The following CDYL2 variants were observed in gnomAD, a reference collection of about 807,000 sequenced individuals.
CDYL2 encodes chromodomain Y-like protein 2.
CDYL2 carries 23 observed loss-of-function variants against 49.4 expected under a neutral mutation model. The ratio of observed to expected loss-of-function variants is 0.47; its 90% CI spans 0.34 to 0.66. CDYL2 has a LOEUF of 0.66. Ranked by LOEUF, CDYL2 falls within the 30% of genes least tolerant of loss-of-function variation. CDYL2 has a pLI of 0.01. For synonymous variants in CDYL2, 360 were observed against 268.8 expected (o/e 1.34, Z -3.32); for missense variants, 678 against 656.4 (o/e 1.03, Z -0.36).
chr16:80,759,118 A>ATATATATATATATATATATATATATGGTT (rs1567597470), intron 1 of CDYL2, among the ~76,000 whole-genome samples: 36 of 118,452 alleles, frequency 3.0e-4, no homozygotes, highest in East Asian at 1.0e-3. Context: ...ATATATATAT[A>ATATATATATATATATATATATATATGGTT]TATATATATA....
At chr16:80,759,780 C>G (rs1004453735) in intron 1 of CDYL2, among the ~76,000 whole-genome samples, 6 of 152,150 alleles carry the variant, frequency 3.9e-5, no homozygotes, top group African/African-American at 1.4e-4. Flanking sequence ...TTGCACAAAC[C>G]ACTTCAAGCC....
chr16:80,712,943 A>G (rs907425485), intron 1 of CDYL2, among the ~76,000 whole-genome samples: 5 of 152,280 alleles, frequency 3.3e-5, no homozygotes, highest in African/African-American at 1.2e-4. Flanking sequence ...AGTACCCAAC[A>G]GAAGGGACAA....
intron 3 of CDYL2, among the ~76,000 whole-genome samples, chr16:80,628,943 A>C (rs1194343635): frequency 6.6e-6 from 1 of 152,202 alleles, no homozygotes; most frequent in Non-Finnish European, 1.5e-5. Context: ...TGAGACCTGA[A>C]GGAAGAGCAA....
At chr16:80,647,714 T>A (rs1908412243) in intron 2 of CDYL2, among the ~76,000 whole-genome samples, 1 of 152,136 alleles carries the variant, frequency 6.6e-6, no homozygotes, top group Non-Finnish European at 1.5e-5. Context: ...AAACATTTAA[T>A]CCAATGGCTG....
intron 1 of CDYL2, among the ~76,000 whole-genome samples, chr16:80,803,515 G>A (rs1440297389): frequency 6.6e-6 from 1 of 152,004 alleles, no homozygotes; most frequent in Non-Finnish European, 1.5e-5. Context: ...AGCTGGTGCG[G>A]GGGCAGCAGG....
intron 1 of CDYL2, among the ~76,000 whole-genome samples, chr16:80,801,876 T>C (rs140321367): frequency 8.5e-4 from 129 of 152,360 alleles, no homozygotes; most frequent in African/African-American, 2.9e-3. Context: ...GTATATGTTA[T>C]GTAATGTAGA....
intron 1 of CDYL2, among the ~76,000 whole-genome samples, chr16:80,687,378 G>A (rs570317729): frequency 6.6e-6 from 1 of 152,256 alleles, no homozygotes; most frequent in South Asian, 2.1e-4. Flanking sequence ...GCGTGGGTGG[G>A]TGGATGGATG....
Position 80,788,794 on chromosome 16 carries a change from T to C in CDYL2, c.24+15356A>G, listed in dbSNP as rs76855244. 4.3e-3 allele frequency among the ~76,000 whole-genome samples: 652 copies of C among 152,324 alleles called. 2 individuals are homozygous for C. Among genetic ancestry groups the C allele is most frequent in the African/African-American group, 0.015 (630 of 41,574 alleles). ...CATGATACCATACACGTGGAGAATT[T>C]ACCATAGTGTCTGGCACATATTAAA... On this transcript the variant is annotated intron_variant, in intron 1 of 6. Coordinates refer to ENST00000570137, the MANE Select transcript of CDYL2 (RefSeq NM_152342.4).
intron 1 of CDYL2, among the ~76,000 whole-genome samples, chr16:80,724,251 G>A (rs1372832154): frequency 2.0e-5 from 3 of 149,914 alleles, no homozygotes; most frequent in African/African-American, 4.9e-5. Context: ...GGAAGAAGAT[G>A]AGGAGAAAGA....
At chr16:80,654,386 C>T (rs550854958) in intron 2 of CDYL2, among the ~76,000 whole-genome samples, 2 of 152,336 alleles carry the variant, frequency 1.3e-5, no homozygotes, top group Admixed American at 6.5e-5. Context: ...ACACAGTAAA[C>T]CAGGAATAAA....
chr16:80,748,506 T>TA (rs538432449), intron 1 of CDYL2, among the ~76,000 whole-genome samples: 1,260 of 19,102 alleles, frequency 0.066, 263 homozygotes, highest in East Asian at 0.13. Context: ...AAAACTCCAT[T>TA]AAAAAAAAAA....
Position 80,604,558 on chromosome 16 carries a change from T to C in CDYL2, c.1363-12A>G, listed in dbSNP as rs749625544. ...GACTCCTCTAACACCTAGAGGGAAATAGACAGGCCTGATTAGCCGGGCACC... is the reference window on the plus strand; with the variant it reads ...GACTCCTCTAACACCTAGAGGGAAACAGACAGGCCTGATTAGCCGGGCACC... On this transcript the variant is annotated splice_polypyrimidine_tract_variant and intron_variant, in intron 6 of 6. Transcript: ENST00000570137. The C allele has an allele frequency of 1.4e-5, 22 of 1,613,944 alleles. No individual in the cohort carries two copies. The highest frequency in any genetic ancestry group is 1.6e-4 in the Middle Eastern group (1 of 6,084).
At position 80,604,355 on chromosome 16, in the gene CDYL2, G is replaced by A; in HGVS notation, c.*33C>T. 6.2e-7 allele frequency: 1 copy of A among 1,613,002 alleles called. No homozygotes were observed. Among genetic ancestry groups the A allele is most frequent in the Middle Eastern group, 1.7e-4 (1 of 5,898 alleles). On this transcript the variant is annotated 3_prime_UTR_variant, in exon 7 of 7. Coordinates refer to ENST00000570137, the MANE Select transcript of CDYL2 (RefSeq NM_152342.4). ...TCTGGTTTCCGAAACACAGGGCAGA[G>A]CTGGAAGTTGGGGGCCCGTGAGCTG...
Position 80,633,850 on chromosome 16 carries a change from C to T in CDYL2, c.617-614G>A, listed in dbSNP as rs144120119. 1.5e-3 allele frequency among the ~76,000 whole-genome samples: 234 copies of T among 152,298 alleles called. 3 individuals are homozygous for T. In the East Asian group the frequency reaches 0.032, roughly 21 times the overall value. On this transcript the variant is annotated intron_variant, in intron 2 of 6. Coordinates refer to ENST00000570137, the MANE Select transcript of CDYL2 (RefSeq NM_152342.4). ...TGCATTTTTCTGTTTCACATATTAA[C>T]ATTCACAAATGGCCTGAAAGTGCCC...
chr16:80,766,818 A>G (rs1429965741), intron 1 of CDYL2, among the ~76,000 whole-genome samples: 1 of 152,232 alleles, frequency 6.6e-6, no homozygotes, highest in Non-Finnish European at 1.5e-5. Flanking sequence ...AAAAGGAAGA[A>G]AGAAGTGTCG....
At chr16:80,662,726 A>G (rs1321396293) in intron 2 of CDYL2, 2 of 455,752 alleles carry the variant, frequency 4.4e-6, no homozygotes, top group Non-Finnish European at 8.8e-6. Context: ...ATTTTAACTA[A>G]TTGAAATATA....
intron 6 of CDYL2, among the ~76,000 whole-genome samples, chr16:80,604,958 C>T (rs1236735317): frequency 6.6e-6 from 1 of 152,170 alleles, no homozygotes; most frequent in Admixed American, 6.5e-5. Flanking sequence ...ATGAAATGAA[C>T]GAATGGTTGT....
At chr16:80,718,242 A>G (rs994125221) in intron 1 of CDYL2, among the ~76,000 whole-genome samples, 1 of 152,232 alleles carries the variant, frequency 6.6e-6, no homozygotes, top group African/African-American at 2.4e-5. Context: ...TGAAGGACCA[A>G]TTTGAAGTAA....
intron 1 of CDYL2, among the ~76,000 whole-genome samples, chr16:80,703,062 A>C (rs1257717369): frequency 1.3e-5 from 2 of 152,226 alleles, no homozygotes; most frequent in African/African-American, 4.8e-5. Context: ...AAAAAAGATA[A>C]GAAGGAAATG....
Sources: gnomAD v4.1 joint callset for allele counts (sites outside exome capture counted in the v4.1 genomes callset) on GRCh38, gnomAD v4.1.1 for gene constraint, MANE v1.5 for transcripts, NCBI Gene and HGNC (gene_info 2026-07-23, HGNC 2026-07-21) for gene names.